SALL3: variants seen among roughly 807,000 people sequenced by gnomAD.
SALL3 encodes spalt like transcription factor 3.
Under a neutral mutation model 66.2 loss-of-function variants are expected in SALL3, and 25 were observed. The ratio of observed to expected loss-of-function variants is 0.38; its 90% CI spans 0.28 to 0.53. The LOEUF (loss-of-function observed/expected upper bound fraction) is 0.53. Among genes scored for constraint, SALL3 ranks in the 20% least tolerant of loss-of-function variants. SALL3 has a pLI of 0.85. For missense variants in SALL3, 2,194 were observed against 1,916.5 expected (o/e 1.14, Z -2.70); for synonymous variants, 1,152 against 899.1 (o/e 1.28, Z -5.03).
intron 1 of SALL3, among the ~76,000 whole-genome samples, chr18:78,989,332 A>C (rs1855404231): frequency 6.6e-6 from 1 of 152,228 alleles, no homozygotes; most frequent in Non-Finnish European, 1.5e-5. Context: ...CAAATTGTTA[A>C]GGTAAATAGA....
intron 1 of SALL3, among the ~76,000 whole-genome samples, chr18:78,984,112 A>C (rs1914161718): frequency 6.6e-6 from 1 of 152,236 alleles, no homozygotes; most frequent in South Asian, 2.1e-4. Context: ...ATTACTTAGC[A>C]AGCTGATTCT....
At position 78,996,941 on chromosome 18, in the gene SALL3, C is replaced by T; in HGVS notation, c.3522C>T (p.Arg1174=). ...MWNNAPARRG[R]RLSVENPMAL... ...ATAACGCCCCCGCGAGACGCGGCCG[C>T]CGCCTGTCTGTGGAGAACCCCATGG... The change falls in exon 3 of 3, where the codon CGC becomes CGT. Residue 1174 remains arginine, a synonymous_variant. Coordinates refer to ENST00000537592, the MANE Select transcript of SALL3 (RefSeq NM_171999.4). The T allele has an allele frequency of 6.2e-7, 1 of 1,613,296 alleles. No individual in the cohort carries two copies. Among genetic ancestry groups the T allele is most frequent in the East Asian group, 2.2e-5 (1 of 44,870 alleles).
chr18:78,995,360 C>T lies in SALL3; in HGVS notation c.3369C>T (p.Ser1123=), dbSNP rs752502408. ...HNCQSCGKTF[S]SASALQIHER... Reference sequence around the variant, plus strand: ...GCCAGTCGTGCGGGAAGACCTTCTCCTCGGCCAGCGCCCTGCAGATCCATG... The same window carrying T: ...GCCAGTCGTGCGGGAAGACCTTCTCTTCGGCCAGCGCCCTGCAGATCCATG... The change falls in exon 2 of 3, where the codon TCC becomes TCT. Residue 1123 remains serine (S), a synonymous_variant. Transcript: ENST00000537592. 18 of 1,577,608 alleles carry T rather than the reference C, an allele frequency of 1.1e-5. No individual in the cohort carries two copies. The highest frequency in any genetic ancestry group is 1.5e-5 in the Non-Finnish European group (18 of 1,169,342).
Position 78,992,936 on chromosome 18 carries a change from C to T in SALL3, c.945C>T (p.Ser315=), listed in dbSNP as rs990615660. The T allele has an allele frequency of 2.0e-5, 21 of 1,038,346 alleles. No homozygotes were observed. In the African/African-American group the frequency reaches 3.1e-4, roughly 15 times the overall value. 64.3% of individuals were successfully genotyped at this position (1,038,346 alleles called of 1,614,324 possible). Residue 315 remains serine, a synonymous_variant, in exon 2 of 3, where the codon AGC becomes AGT. Coordinates refer to ENST00000537592, the MANE Select transcript of SALL3 (RefSeq NM_171999.4). ...PAEPSAPAAP[S]AAPAPAAPAP... ...AGCCCAGCGCGCCCGCCGCCCCCAG[C>T]GCCGCCCCTGCCCCCGCTGCCCCCG... is the stretch of plus-strand genomic sequence containing the variant.
In SALL3 at chr18:78,994,245, G is replaced by T; in HGVS notation, c.2254G>T (p.Val752Leu). ...PICQKKFTNA[V>L]VLQQHIRMHM... ...CTGCCAGAAGAAGTTCACCAACGCC[G>T]TGGTCCTGCAGCAGCACATCCGCAT... The change falls in exon 2 of 3, where the codon GTG becomes TTG. Residue 752 changes from valine to leucine, a missense_variant. By Grantham distance (32) the Val-to-Leu change is conservative (BLOSUM62 1). Transcript: ENST00000537592. 1.9e-6 allele frequency: 3 copies of T among 1,613,736 alleles called. No individual in the cohort carries two copies. Among genetic ancestry groups the T allele is most frequent in the Non-Finnish European group, 2.5e-6 (3 of 1,180,004 alleles).
At chr18:78,981,645 G>A (rs1914076965) in intron 1 of SALL3, among the ~76,000 whole-genome samples, 1 of 152,232 alleles carries the variant, frequency 6.6e-6, no homozygotes. Flanking sequence ...TTGCGGTGGA[G>A]GTAAGGGAGT....
intron 1 of SALL3, among the ~76,000 whole-genome samples, chr18:78,981,226 G>T (rs1026195378): frequency 2.0e-5 from 3 of 152,156 alleles, no homozygotes; most frequent in Admixed American, 6.5e-5. Flanking sequence ...AGTTTGGGGC[G>T]CCCCCACCCC....
rs775650355 is a variant in SALL3, at chr18:78,992,530, A to G, written c.539A>G (p.Gln180Arg). 1 of 1,492,456 alleles carries G rather than the reference A, an allele frequency of 6.7e-7. No homozygotes were observed. The highest frequency in any genetic ancestry group is 2.1e-5 in the Admixed American group (1 of 47,910). 92.5% of individuals were successfully genotyped at this position (1,492,456 alleles called of 1,614,324 possible). Reference sequence around the variant, plus strand: ...CTGAGCACCAAGGTGGCGGTGGCGCAGTTCTCGCAGGGCGCGCGCGCGGCA... The same window carrying G: ...CTGAGCACCAAGGTGGCGGTGGCGCGGTTCTCGCAGGGCGCGCGCGCGGCA... ...ALLSTKVAVAQFSQGARAAGG... is the reference protein window; with the variant it reads ...ALLSTKVAVARFSQGARAAGG... Residue 180 changes from glutamine to arginine, a missense_variant, in exon 2 of 3, where the codon CAG (glutamine) becomes CGG (arginine). By Grantham distance (43) the Gln-to-Arg change is conservative (BLOSUM62 1). Transcript: ENST00000537592.
chr18:78,994,884 C>A lies in SALL3; in HGVS notation c.2893C>A (p.Leu965Met), dbSNP rs1469329572. The A allele has an allele frequency of 6.2e-7, 1 of 1,610,858 alleles. No individual in the cohort carries two copies. The highest frequency in any genetic ancestry group is 8.5e-7 in the Non-Finnish European group (1 of 1,178,846). ...CAAGGAGGAGGCGCCCTTCAGCCTGCTGTTCCTGAGCAGGGAGCGGGGTAA... is the reference window on the plus strand; with the variant it reads ...CAAGGAGGAGGCGCCCTTCAGCCTGATGTTCCTGAGCAGGGAGCGGGGTAA... ...GIKEEAPFSLLFLSRERGKCP... is the reference protein window; with the variant it reads ...GIKEEAPFSLMFLSRERGKCP... The change falls in exon 2 of 3, where the codon CTG becomes ATG. Residue 965 changes from leucine (L) to methionine (M), a missense_variant. Leu to Met is a conservative substitution (Grantham distance 15). Coordinates refer to ENST00000537592, the MANE Select transcript of SALL3 (RefSeq NM_171999.4).
rs764004480 is a variant in SALL3, at chr18:78,993,974, C to T, written c.1983C>T (p.Thr661=). ...TAGACTCGATGCAAACGTCGGAAAC[C>T]TCGAAGCTGCAGCAGCTGGTGGAGA... ...GLLDSMQTSE[T]SKLQQLVENI... is the part of the protein sequence containing the mutation. Residue 661 remains threonine (T), a synonymous_variant, in exon 2 of 3, where the codon ACC becomes ACT. Coordinates refer to ENST00000537592, the MANE Select transcript of SALL3 (RefSeq NM_171999.4). 3 of 1,611,958 alleles carry T rather than the reference C, an allele frequency of 1.9e-6. No individual in the cohort carries two copies. The highest frequency in any genetic ancestry group is 2.5e-6 in the Non-Finnish European group (3 of 1,179,516).
chr18:78,980,545 C>A (rs1914004018), intron 1 of SALL3, among the ~76,000 whole-genome samples, 189 bp downstream of exon 1: 2 of 151,408 alleles, frequency 1.3e-5, no homozygotes, highest in Non-Finnish European at 3.0e-5. Context: ...CGCGCGCGGC[C>A]GCCGAGAGAG....
intron 2 of SALL3, 91 bp from the exon 3 acceptor site, chr18:78,996,800 G>C: frequency 7.5e-7 from 1 of 1,339,500 alleles, no homozygotes; most frequent in Non-Finnish European, 1.0e-6. Context: ...CTTGGGAGCG[G>C]GGTGGACCTC....
chr18:78,987,007 A>G (rs1025664698), intron 1 of SALL3, among the ~76,000 whole-genome samples: 1 of 152,222 alleles, frequency 6.6e-6, no homozygotes, highest in Admixed American at 6.5e-5. Flanking sequence ...CACAAAATTT[A>G]TGTAAAAATT....
chr18:78,997,418 A>C lies in SALL3; in HGVS notation c.*96A>C. ...TTGCCTCGGTTCTCATTACACTTTC[A>C]CCCATAGCAGAAAACACTTTGTGCG... is the stretch of plus-strand genomic sequence containing the variant. On this transcript the variant is annotated 3_prime_UTR_variant, in exon 3 of 3. Coordinates refer to ENST00000537592, the MANE Select transcript of SALL3 (RefSeq NM_171999.4). 7.8e-7 allele frequency: 1 copy of C among 1,276,620 alleles called. No homozygotes were observed. Among genetic ancestry groups the C allele is most frequent in the Non-Finnish European group, 1.1e-6 (1 of 905,124 alleles). The allele number at this position is 1,276,620 out of a possible 1,614,324, so 79.1% of individuals were successfully genotyped here.
At chr18:78,988,537 G>C (rs921372407) in intron 1 of SALL3, among the ~76,000 whole-genome samples, 6 of 152,212 alleles carry the variant, frequency 3.9e-5, no homozygotes, top group Non-Finnish European at 8.8e-5. Context: ...CCTACAACCA[G>C]TTCAGTCAAG....
Position 78,987,888 on chromosome 18 carries a change from G to A in SALL3, c.83-4186G>A, listed in dbSNP as rs142322660. ...ATCCCCTGCCTGTTTACAGTTTCAC[G>A]TCTCTTAGCTGTTGAATAGTGTGCA... On this transcript the variant is annotated intron_variant, in intron 1 of 2. Coordinates refer to ENST00000537592, the MANE Select transcript of SALL3 (RefSeq NM_171999.4). Among the ~76,000 whole-genome samples the A allele has an allele frequency of 2.8e-3, 421 of 152,292 alleles. 2 individuals carry two copies. Among genetic ancestry groups the A allele is most frequent in the African/African-American group, 9.6e-3 (397 of 41,568 alleles).
intron 1 of SALL3, among the ~76,000 whole-genome samples, chr18:78,987,486 C>T (rs907777266): frequency 6.6e-6 from 1 of 152,088 alleles, no homozygotes; most frequent in African/African-American, 2.4e-5. Context: ...TTCTGTACAA[C>T]TGAGAAACAC....
At position 78,996,901 on chromosome 18, in the gene SALL3, G is replaced by C; in HGVS notation, c.3482G>C (p.Gly1161Ala). The change falls in exon 3 of 3, where the codon GGG (glycine) becomes GCG (alanine). Residue 1161 changes from glycine (G) to alanine (A), a missense_variant. By Grantham distance (60) the Gly-to-Ala change is moderately conservative. Transcript: ENST00000537592. Reference sequence around the variant, plus strand: ...CCGTGTCTCGCGCAGGTGCACATGGGGACACACATGTGGAATAACGCCCCC... The same window carrying C: ...CCGTGTCTCGCGCAGGTGCACATGGCGACACACATGTGGAATAACGCCCCC... ...TTKGNLKVHM[G>A]THMWNNAPAR... 1 of 1,609,422 alleles carries C rather than the reference G, an allele frequency of 6.2e-7. No homozygotes were observed. The highest frequency in any genetic ancestry group is 2.2e-5 in the East Asian group (1 of 44,772).
At chr18:78,981,672 A>C (rs80120081) in intron 1 of SALL3, among the ~76,000 whole-genome samples, 1 of 152,222 alleles carries the variant, frequency 6.6e-6, no homozygotes, top group East Asian at 1.9e-4. Flanking sequence ...TGTGTAGCCA[A>C]GTCAGCCAAG....
Sources: gnomAD v4.1 joint callset for allele counts (sites outside exome capture counted in the v4.1 genomes callset) on GRCh38, gnomAD v4.1.1 for gene constraint, MANE v1.5 for transcripts, NCBI Gene and HGNC (gene_info 2026-07-23, HGNC 2026-07-21) for gene names.